Variants in ASB18 observed in about 807,000 individuals in gnomAD.
The protein encoded by ASB18 is ankyrin repeat and SOCS box containing 18.
In ASB18, 33 loss-of-function variants were observed where a neutral mutation model predicts 33.4. The observed-to-expected ratio is 0.99, with a 90% CI of 0.75 to 1.32. The LOEUF (loss-of-function observed/expected upper bound fraction) is 1.32. Ranked by LOEUF, ASB18 falls within the 40% of genes most tolerant of loss-of-function variation. The pLI is 0.00. For synonymous variants in ASB18, 295 were observed against 307.6 expected (o/e 0.96, Z 0.43); for missense variants, 694 against 655.5 (o/e 1.06, Z -0.64).
chr2:236,247,125 CTT>C (rs3033949), intron 1 of ASB18, among the ~76,000 whole-genome samples: 28,312 of 133,698 alleles, frequency 0.21, 3,901 homozygotes, highest in African/African-American at 0.41. Flanking sequence ...GAAACAGACT[CTT>C]TTTTTTTTTT....
rs1249599864 is a variant in ASB18, at chr2:236,215,487, A to G, written c.597-621T>C. Among the ~76,000 whole-genome samples, 1 of 152,084 alleles carries G rather than the reference A, an allele frequency of 6.6e-6. No homozygotes were observed. Among genetic ancestry groups the G allele is most frequent in the Non-Finnish European group, 1.5e-5 (1 of 68,014 alleles). On this transcript the variant is annotated intron_variant, in intron 3 of 5. Transcript: ENST00000409749. This position sits in a 1 kb window ranked among gnomAD's most constrained non-coding sequence, Gnocchi z 7.2. ...TACCTGTGCTGCTTGAACAGACTGG[A>G]TATTGGCTGCACCTGAATTCCCCAG...
intron 1 of ASB18, among the ~76,000 whole-genome samples, chr2:236,261,848 G>A (rs1014011568): frequency 6.6e-6 from 1 of 152,188 alleles, no homozygotes; most frequent in Non-Finnish European, 1.5e-5. Flanking sequence ...CAAGAGATAA[G>A]GAGAGCCAAG....
At chr2:236,202,624 T>G (rs868148129) in intron 4 of ASB18, among the ~76,000 whole-genome samples, 2 of 151,200 alleles carry the variant, frequency 1.3e-5, no homozygotes, top group Middle Eastern at 3.5e-3. Flanking sequence ...ATGGAGACCA[T>G]CCTGGCCAAC....
Position 236,237,633 on chromosome 2 carries a change from C to T in ASB18, c.596+56G>A. 1.7e-6 allele frequency: 2 copies of T among 1,161,306 alleles called. No individual in the cohort carries two copies. 71.9% of individuals were successfully genotyped at this position (1,161,306 alleles called of 1,614,324 possible). A position where few individuals can be genotyped will look rare whatever the true frequency, so the allele number is the denominator to read the frequency against. On this transcript the variant is annotated intron_variant, in intron 3 of 5. Coordinates refer to ENST00000409749, the MANE Select transcript of ASB18 (RefSeq NM_212556.4). The surrounding 1 kb of genome is among the most constrained non-coding windows in gnomAD (Gnocchi z 6.2). Reference sequence around the variant, plus strand: ...GGGTCGGCGGTCTCGTGGGGGGAGGCGGGCGTCTGGTCTCGGGGCGGGGCG... The same window carrying T: ...GGGTCGGCGGTCTCGTGGGGGGAGGTGGGCGTCTGGTCTCGGGGCGGGGCG...
At chr2:236,240,945 C>T (rs1268708697) in intron 2 of ASB18, among the ~76,000 whole-genome samples, 1 of 152,182 alleles carries the variant, frequency 6.6e-6, no homozygotes, top group African/African-American at 2.4e-5. Context: ...GAAGGAGAGA[C>T]TTTCCTTCTT....
chr2:236,210,524 G>A (rs1325363848), intron 4 of ASB18: 1 of 152,214 alleles, frequency 6.6e-6, no homozygotes, highest in Non-Finnish European at 1.5e-5. Context: ...TTGTGATCAT[G>A]GCATCTCCTC....
At position 236,253,205 on chromosome 2, in the gene ASB18, G is replaced by A. The variant is rs1436974251; in HGVS notation, c.205+10936C>T. Among the ~76,000 whole-genome samples, 3 of 152,200 alleles carry A rather than the reference G, an allele frequency of 2.0e-5. No homozygotes were observed. The highest frequency in any genetic ancestry group is 3.9e-4 in the East Asian group (2 of 5,188). On this transcript the variant is annotated intron_variant, in intron 1 of 5. Transcript: ENST00000409749. The surrounding 1 kb of genome is among the most constrained non-coding windows in gnomAD (Gnocchi z 5.4). ...TTCCTGGCACACAAGAGGACAGGAA[G>A]CAGCAGAAGAGGCAGATGTGCAAAC...
Position 236,244,999 on chromosome 2 carries a change from C to T in ASB18, c.206-3597G>A, listed in dbSNP as rs1056014162. The stretch of plus-strand genomic sequence containing the variant: ...TGCTGGGTGGGGAGGGATGAGGCCA[C>T]GTTTGGCAGTCTATGATGCAGGGGG... On this transcript the variant is annotated intron_variant, in intron 1 of 5. Transcript: ENST00000409749. This position sits in a 1 kb window ranked among gnomAD's most constrained non-coding sequence, Gnocchi z 6.1. 3.9e-4 allele frequency among the ~76,000 whole-genome samples: 60 copies of T among 152,136 alleles called. No homozygotes were observed. Among genetic ancestry groups the T allele is most frequent in the Admixed American group, 7.2e-4 (11 of 15,288 alleles).
chr2:236,264,035 T>C lies in ASB18; in HGVS notation c.205+106A>G, dbSNP rs1274155078. 1 of 871,282 alleles carries C rather than the reference T, an allele frequency of 1.1e-6. No individual in the cohort carries two copies. Among genetic ancestry groups the C allele is most frequent in the Non-Finnish European group, 1.8e-6 (1 of 546,538 alleles). The allele number at this position is 871,282 out of a possible 1,614,324, so 54.0% of individuals were successfully genotyped here. A position where few individuals can be genotyped will look rare whatever the true frequency, so the allele number is the denominator to read the frequency against. On this transcript the variant is annotated intron_variant, in intron 1 of 5. Transcript: ENST00000409749. This position sits in a 1 kb window ranked among gnomAD's most constrained non-coding sequence, Gnocchi z 5.1. ...TGAGAGTCAGATATCCGAGTACATA[T>C]CATTTACTTTTTCCAAACATTTGCC...
chr2:236,257,412 C>T lies in ASB18; in HGVS notation c.205+6729G>A, dbSNP rs1664160024. Among the ~76,000 whole-genome samples the T allele has an allele frequency of 6.6e-6, 1 of 152,150 alleles. No individual in the cohort carries two copies. Among genetic ancestry groups the T allele is most frequent in the Admixed American group, 6.5e-5 (1 of 15,274 alleles). ...CCTGCCGTGGGTGACCTCTCGCTTC[C>T]CATTTCTGTTTTTATTCTCCAGCCT... is the stretch of plus-strand genomic sequence containing the variant. On this transcript the variant is annotated intron_variant, in intron 1 of 5. Transcript: ENST00000409749. This position sits in a 1 kb window ranked among gnomAD's most constrained non-coding sequence, Gnocchi z 5.5.
Position 236,204,075 on chromosome 2 carries a change from A to C in ASB18, c.1102-7690T>G, listed in dbSNP as rs1418956942. Among the ~76,000 whole-genome samples the C allele has an allele frequency of 6.6e-6, 1 of 150,760 alleles. No homozygotes were observed. The highest frequency in any genetic ancestry group is 1.5e-5 in the Non-Finnish European group (1 of 67,620). On this transcript the variant is annotated intron_variant, in intron 4 of 5. Transcript: ENST00000409749. The surrounding 1 kb of genome is among the most constrained non-coding windows in gnomAD (Gnocchi z 5.1). ...ATTTTGAGATATATTTAGGGGGAAGAGTGGGGAGAATCTGGGGATGGATTT... is the reference window on the plus strand; with the variant it reads ...ATTTTGAGATATATTTAGGGGGAAGCGTGGGGAGAATCTGGGGATGGATTT...
intron 3 of ASB18, among the ~76,000 whole-genome samples, chr2:236,218,578 T>C (rs2060498205): frequency 6.6e-6 from 1 of 152,032 alleles, no homozygotes; most frequent in Non-Finnish European, 1.5e-5. Flanking sequence ...GCCGGCGGAT[T>C]GCGAGGTCAG....
rs534337103 is a variant in ASB18 at position 236,250,490 on chromosome 2, C to T, written c.206-9088G>A. 3.9e-5 allele frequency: 6 copies of T among 152,340 alleles called. No homozygotes were observed. The highest frequency in any genetic ancestry group is 2.1e-4 in the South Asian group (1 of 4,826). The allele number at this position is 152,340 out of a possible 1,614,324, so 9.4% of individuals were successfully genotyped here. Reference sequence around the variant, plus strand: ...TACTCTTGTGGACATTGTGAAATTCCGTGCATTCTTTCTTAAATATGCCAG... The same window carrying T: ...TACTCTTGTGGACATTGTGAAATTCTGTGCATTCTTTCTTAAATATGCCAG... On this transcript the variant is annotated intron_variant, in intron 1 of 5. Coordinates refer to ENST00000409749, the MANE Select transcript of ASB18 (RefSeq NM_212556.4). The surrounding 1 kb of genome is among the most constrained non-coding windows in gnomAD (Gnocchi z 4.1).
intron 4 of ASB18, among the ~76,000 whole-genome samples, chr2:236,199,442 C>T (rs2060388706): frequency 1.3e-5 from 2 of 149,462 alleles, no homozygotes; most frequent in Admixed American, 1.3e-4. Flanking sequence ...AAAGATTTTC[C>T]AATACTGATC....
chr2:236,254,298 T>G (rs1574672054), intron 1 of ASB18: 2 of 152,648 alleles, frequency 1.3e-5, no homozygotes, highest in East Asian at 3.9e-4. Context: ...TCGAACTGAT[T>G]GCACCCTTCT....
rs2060360886 is a variant in ASB18, at chr2:236,194,292, C to T, written c.*580G>A. ...TTGATCTAACCCACCAGCAGGACAA[C>T]CACCATCACATACTGATTCACCAAA... On this transcript the variant is annotated 3_prime_UTR_variant, in exon 6 of 6. Transcript: ENST00000409749. The surrounding 1 kb of genome is among the most constrained non-coding windows in gnomAD (Gnocchi z 4.5). Among the ~76,000 whole-genome samples, 1 of 152,146 alleles carries T rather than the reference C, an allele frequency of 6.6e-6. No homozygotes were observed. Among genetic ancestry groups the T allele is most frequent in the Non-Finnish European group, 1.5e-5 (1 of 68,030 alleles).
rs768076717 is a variant in ASB18 at position 236,263,966 on chromosome 2, C to T, written c.205+175G>A. On this transcript the variant is annotated intron_variant, in intron 1 of 5. Coordinates refer to ENST00000409749, the MANE Select transcript of ASB18 (RefSeq NM_212556.4). The surrounding 1 kb of genome is among the most constrained non-coding windows in gnomAD (Gnocchi z 4.0). ...TTGCACTTGTTGCTTATGTCGCACA[C>T]GCATGTACATGGTCTATGCAGTACA... 7.9e-5 allele frequency among the ~76,000 whole-genome samples: 12 copies of T among 152,106 alleles called. No homozygotes were observed. The highest frequency in any genetic ancestry group is 2.1e-4 in the South Asian group (1 of 4,816).
chr2:236,197,031 A>C (rs2060377388), intron 4 of ASB18, among the ~76,000 whole-genome samples: 1 of 149,394 alleles, frequency 6.7e-6, no homozygotes, highest in East Asian at 1.9e-4. Context: ...CTTCATACAA[A>C]AAAGTAGTGC....
rs1205842747 is a variant in ASB18 at position 236,250,115 on chromosome 2, A to G, written c.206-8713T>C. The G allele has an allele frequency of 6.6e-6, 1 of 152,224 alleles. No homozygotes were observed. Among genetic ancestry groups the G allele is most frequent in the Non-Finnish European group, 1.5e-5 (1 of 68,044 alleles). 9.4% of individuals were successfully genotyped at this position (152,224 alleles called of 1,614,324 possible). A position where few individuals can be genotyped will look rare whatever the true frequency, so the allele number is the denominator to read the frequency against. ...CTTGAAATTATAATGGGGTATCCAC[A>G]TGGTAGTGTTTGAATGGTAACTATT... On this transcript the variant is annotated intron_variant, in intron 1 of 5. Coordinates refer to ENST00000409749, the MANE Select transcript of ASB18 (RefSeq NM_212556.4). This position sits in a 1 kb window ranked among gnomAD's most constrained non-coding sequence, Gnocchi z 4.1.
Sources: allele counts gnomAD v4.1 joint callset (sites outside exome capture counted in the v4.1 genomes callset), GRCh38; gene constraint gnomAD v4.1.1; non-coding constraint Gnocchi (gnomAD v3.1); transcripts MANE v1.5; gene names NCBI Gene and HGNC (gene_info 2026-07-23, HGNC 2026-07-21).